Variants in SEPTIN10 observed in about 807,000 individuals in gnomAD.
The protein encoded by SEPTIN10 is septin 10, also known as septin-10.
SEPTIN10 carries 66 observed loss-of-function variants against 54.8 expected under a neutral mutation model. The ratio of observed to expected loss-of-function variants is 1.21; its 90% CI spans 0.99 to 1.48. The LOEUF is 1.48. Ranked by LOEUF, SEPTIN10 falls within the 40% of genes most tolerant of loss-of-function variation. SEPTIN10 has a pLI of 0.00. For missense variants in SEPTIN10, 620 were observed against 545.6 expected (o/e 1.14, Z -1.36); for synonymous variants, 161 against 181.0 (o/e 0.89, Z 0.89).
intron 2 of SEPTIN10, among the ~76,000 whole-genome samples, chr2:109,590,756 G>C (rs1693882701): frequency 6.6e-6 from 1 of 152,104 alleles, no homozygotes. Context: ...CAGGGCCTGG[G>C]CACTTCCTGG....
chr2:109,544,441 A>C (rs1680659105), intron 10 of SEPTIN10, 117 bp from the exon 11 acceptor site: 2 of 1,414,710 alleles, frequency 1.4e-6, no homozygotes, highest in East Asian at 4.9e-5. Context: ...GAAAAAGAAA[A>C]GAAAAAACCA....
chr2:109,601,529 T>C (rs1696590729), intron 1 of SEPTIN10, among the ~76,000 whole-genome samples: 1 of 152,194 alleles, frequency 6.6e-6, no homozygotes, highest in Admixed American at 6.5e-5. Flanking sequence ...TCTCCTATAT[T>C]TCCATAAATC....
Position 109,613,909 on chromosome 2 carries a change from G to A in SEPTIN10, c.-82C>T, listed in dbSNP as rs1377822596. 3.3e-5 allele frequency: 41 copies of A among 1,227,770 alleles called. No individual in the cohort carries two copies. Among genetic ancestry groups the A allele is most frequent in the Non-Finnish European group, 3.1e-5 (31 of 985,590 alleles). 76.1% of individuals were successfully genotyped at this position (1,227,770 alleles called of 1,614,324 possible). On this transcript the variant is annotated 5_prime_UTR_variant, in exon 1 of 11. Coordinates refer to ENST00000397712, the MANE Select transcript of SEPTIN10 (RefSeq NM_144710.5). ...TCCCGGCGACGGCGGCGGGAAGGCC[G>A]GAGGGCAGAAGCAACGGGCGGGGCG... is the stretch of plus-strand genomic sequence containing the variant.
At chr2:109,590,834 GGTCTCTAGGAGCTGACAACAACCCCCA>G (rs1354823323) in intron 2 of SEPTIN10, among the ~76,000 whole-genome samples, 1 of 152,126 alleles carries the variant, frequency 6.6e-6, no homozygotes, top group Non-Finnish European at 1.5e-5. Flanking sequence ...AGAATGGAGT[GGTCTCTAGGAGCTGACAACAACCCCCA>G]GCCAGCAGGG....
intron 2 of SEPTIN10, among the ~76,000 whole-genome samples, chr2:109,591,790 T>G (rs566671493): frequency 2.0e-5 from 3 of 152,012 alleles, no homozygotes; most frequent in African/African-American, 7.2e-5. Flanking sequence ...CATAGCTATT[T>G]GGGGGGCTGA....
intron 4 of SEPTIN10, among the ~76,000 whole-genome samples, chr2:109,576,766 T>C (rs1182211047): frequency 6.6e-6 from 1 of 152,146 alleles, no homozygotes; most frequent in African/African-American, 2.4e-5. Flanking sequence ...ATAAATAATA[T>C]GCCATTCTTT....
At chr2:109,593,671 T>C (rs1332312866) in intron 1 of SEPTIN10, among the ~76,000 whole-genome samples, 1 of 152,150 alleles carries the variant, frequency 6.6e-6, no homozygotes, top group Non-Finnish European at 1.5e-5. Context: ...CCCAGAGTGC[T>C]AGGATTACAG....
At chr2:109,566,193 T>C (rs544144490) in intron 6 of SEPTIN10, among the ~76,000 whole-genome samples, 43 of 152,276 alleles carry the variant, frequency 2.8e-4, no homozygotes, top group African/African-American at 9.9e-4. Context: ...CGATCTCATC[T>C]CACTGCAGCC....
intron 4 of SEPTIN10, among the ~76,000 whole-genome samples, chr2:109,577,842 G>T (rs150654181): frequency 1.3e-4 from 19 of 150,676 alleles, no homozygotes; most frequent in Non-Finnish European, 2.1e-4. Context: ...GAACCCAGGA[G>T]GGGGAGGTTA....
rs1689191555 is a variant in SEPTIN10, at chr2:109,574,591, A to G, written c.590T>C (p.Leu197Pro). 1.3e-6 allele frequency: 2 copies of G among 1,547,638 alleles called. No individual in the cohort carries two copies. The highest frequency in any genetic ancestry group is 2.8e-5 in the African/African-American group (2 of 72,678). The stretch of plus-strand genomic sequence containing the variant: ...CTTTCCTCAACCCACCTTGCTGTCA[A>G]GGTTCTTCATGGTTAAGAGATCAAG... Reference protein sequence around the residue: ...KTLDLLTMKNLDSKVNIIPVI... With the variant: ...KTLDLLTMKNPDSKVNIIPVI... The change falls in exon 5 of 11, where the codon CTT becomes CCT. Residue 197 changes from leucine to proline, a missense_variant. Leu to Pro is a moderately conservative substitution (Grantham distance 98). Coordinates refer to ENST00000397712, the MANE Select transcript of SEPTIN10 (RefSeq NM_144710.5).
At chr2:109,594,469 T>G (rs1259785022) in intron 1 of SEPTIN10, among the ~76,000 whole-genome samples, 3 of 151,078 alleles carry the variant, frequency 2.0e-5, no homozygotes, top group Non-Finnish European at 4.4e-5. Flanking sequence ...TGCACTGTGG[T>G]TTTTTTTTGC....
At chr2:109,584,751 G>A (rs1005423474) in intron 4 of SEPTIN10, among the ~76,000 whole-genome samples, 1 of 152,106 alleles carries the variant, frequency 6.6e-6, no homozygotes, top group African/African-American at 2.4e-5. Flanking sequence ...CAAGCATCAT[G>A]TATTTGGCCA....
chr2:109,544,795 T>C lies in SEPTIN10; in HGVS notation c.1350-471A>G, dbSNP rs887570916. On this transcript the variant is annotated intron_variant, in intron 10 of 10. Coordinates refer to ENST00000397712, the MANE Select transcript of SEPTIN10 (RefSeq NM_144710.5). The stretch of plus-strand genomic sequence containing the variant: ...ATACTATTTATTCTTTCAAAAATAA[T>C]TGCATGCCTACTATGTACCAGACAA... 4 of 776,018 alleles carry C rather than the reference T, an allele frequency of 5.2e-6. No individual in the cohort carries two copies. In the African/African-American group the frequency reaches 5.7e-5, roughly 11 times the overall value. The allele number at this position is 776,018 out of a possible 1,614,324, so 48.1% of individuals were successfully genotyped here.
At position 109,567,985 on chromosome 2, in the gene SEPTIN10, A is replaced by G; in HGVS notation, c.601-9T>C. 6.4e-7 allele frequency: 1 copy of G among 1,561,046 alleles called. No homozygotes were observed. The highest frequency in any genetic ancestry group is 8.7e-7 in the Non-Finnish European group (1 of 1,154,182). ...ACTGGTATAATGTTTACCTATTAAG[A>G]ATAAAGAAAAACAAAATCTTACTGA... On this transcript the variant is annotated splice_polypyrimidine_tract_variant and intron_variant, in intron 5 of 10. Coordinates refer to ENST00000397712, the MANE Select transcript of SEPTIN10 (RefSeq NM_144710.5).
chr2:109,554,845 T>A (rs960150787), intron 8 of SEPTIN10, among the ~76,000 whole-genome samples: 12 of 152,218 alleles, frequency 7.9e-5, no homozygotes, highest in Non-Finnish European at 1.0e-4. Context: ...GTGTTAGTGC[T>A]GATATGGAGT....
Position 109,585,182 on chromosome 2 carries a change from C to A in SEPTIN10, c.357G>T (p.Leu119Phe), listed in dbSNP as rs192284223. ...TYELQESNVQ[L>F]KLTIVNTVGF... ...CCACTGTATTCACAATGGTCAATTTCAATTGAACATTACTTTCCTGGAGTT... is the reference window on the plus strand; with the variant it reads ...CCACTGTATTCACAATGGTCAATTTAAATTGAACATTACTTTCCTGGAGTT... The change falls in exon 4 of 11, where the codon TTG becomes TTT. Residue 119 changes from leucine (L) to phenylalanine (F), a missense_variant. Coordinates refer to ENST00000397712, the MANE Select transcript of SEPTIN10 (RefSeq NM_144710.5). The A allele has an allele frequency of 1.9e-6, 3 of 1,609,616 alleles. No homozygotes were observed. The highest frequency in any genetic ancestry group is 2.5e-6 in the Non-Finnish European group (3 of 1,177,774).
In SEPTIN10 at chr2:109,548,758, A is replaced by G. The variant is rs1475338313; in HGVS notation, c.1162-2521T>C. On this transcript the variant is annotated intron_variant, in intron 9 of 10. Coordinates refer to ENST00000397712, the MANE Select transcript of SEPTIN10 (RefSeq NM_144710.5). The stretch of plus-strand genomic sequence containing the variant: ...GCCATTGCACTCCAGCTTGGGCCAC[A>G]GAGTTAGGCTCCATCTCAAAAAAAA... Among the ~76,000 whole-genome samples the G allele has an allele frequency of 2.2e-5, 3 of 136,314 alleles. No individual in the cohort carries two copies. In the East Asian group the frequency reaches 7.0e-4, roughly 32 times the overall value. The allele number at this position is 136,314 out of a possible 152,430, so 89.4% of individuals were successfully genotyped here.
chr2:109,586,248 G>C (rs1014050505), intron 2 of SEPTIN10, among the ~76,000 whole-genome samples: 1 of 152,186 alleles, frequency 6.6e-6, no homozygotes, highest in African/African-American at 2.4e-5. Context: ...TTCAGCTCCT[G>C]GTAATGGCAG....
chr2:109,603,805 C>T (rs958707455), intron 1 of SEPTIN10, among the ~76,000 whole-genome samples: 16 of 151,960 alleles, frequency 1.1e-4, no homozygotes, highest in African/African-American at 3.4e-4. Context: ...ACAGGTTGGG[C>T]GTGGTGGGTC....
Sources: allele counts gnomAD v4.1 joint callset (sites outside exome capture counted in the v4.1 genomes callset), GRCh38; gene constraint gnomAD v4.1.1; transcripts MANE v1.5; gene names NCBI Gene and HGNC (gene_info 2026-07-23, HGNC 2026-07-21).